Variants in ZNF112 observed in about 807,000 individuals in gnomAD.
The protein encoded by ZNF112 is zinc finger protein 112 (Y14).
ZNF112 carries 37 observed loss-of-function variants against 77.7 expected under a neutral mutation model. That is an observed-to-expected ratio of 0.48 (90% CI 0.37 to 0.63). The LOEUF is 0.63. Ranked by LOEUF, ZNF112 falls within the 20% of genes least tolerant of loss-of-function variation. The probability of loss-of-function intolerance (pLI) is 0.00; values close to 1 mark genes in which losing one functional copy is unlikely to be tolerated. For synonymous variants in ZNF112, 333 were observed against 363.6 expected (o/e 0.92, Z 0.96); for missense variants, 950 against 1,077.4 (o/e 0.88, Z 1.66).
At chr19:44,330,087 C>T (rs1355221732) in intron 3 of ZNF112, 151 bp from the exon 4 acceptor site, 1 of 637,770 alleles carries the variant, frequency 1.6e-6, no homozygotes, top group African/African-American at 1.8e-5. Context: ...AATATCTCCT[C>T]TTTGGCTATA....
chr19:44,360,514 G>C (rs1037621103), upstream of ZNF112, among the ~76,000 whole-genome samples: 4 of 152,138 alleles, frequency 2.6e-5, no homozygotes, highest in African/African-American at 7.2e-5. Flanking sequence ...TTTCCTCTAT[G>C]ATGGGGAACA....
rs11882414 is a variant in ZNF112 at position 44,365,680 on chromosome 19, C to A, written c.17+1401G>T. ...TCCTTTATAATCCTTTTAATATCTG[C>A]AAAATCTGTAATAATGTTCCCTCCC... On this transcript the variant is annotated intron_variant, in intron 1 of 4. Coordinates refer to the ZNF112 transcript ENST00000588057. Among the ~76,000 whole-genome samples the A allele has an allele frequency of 9.6e-3, 1,459 of 152,112 alleles. 21 individuals are homozygous for A. The highest frequency in any genetic ancestry group is 0.033 in the African/African-American group (1,387 of 41,460).
chr19:44,333,563 C>T (rs568655543), intron 3 of ZNF112, among the ~76,000 whole-genome samples: 2 of 152,198 alleles, frequency 1.3e-5, no homozygotes, highest in South Asian at 4.2e-4. Context: ...GGTTTAGCAC[C>T]ATCCCCCAAG....
intron 3 of ZNF112, 26 bp downstream of exon 3, chr19:44,336,597 C>G (rs1351919452): frequency 1.3e-6 from 2 of 1,589,370 alleles, no homozygotes; most frequent in Non-Finnish European, 1.7e-6. Flanking sequence ...TCCCTGGCTG[C>G]TGTGTTCCTG....
intron 1 of ZNF112, among the ~76,000 whole-genome samples, chr19:44,356,013 C>A (rs1291312076): frequency 6.6e-6 from 1 of 152,132 alleles, no homozygotes; most frequent in Admixed American, 6.5e-5. Flanking sequence ...AGAACTCCTG[C>A]ATGAATTACA....
At chr19:44,335,064 G>A (rs1970341499) in intron 3 of ZNF112, among the ~76,000 whole-genome samples, 1 of 152,236 alleles carries the variant, frequency 6.6e-6, no homozygotes, top group Non-Finnish European at 1.5e-5. Flanking sequence ...AAATAGCCAA[G>A]TGGGCTATAC....
At chr19:44,355,323 G>C (rs565777675) in intron 1 of ZNF112, among the ~76,000 whole-genome samples, 1 of 152,158 alleles carries the variant, frequency 6.6e-6, no homozygotes, top group Admixed American at 6.5e-5. Context: ...CTTGTGGTTA[G>C]CATAATTTTT....
At chr19:44,348,002 T>G (rs926892362) in intron 1 of ZNF112, among the ~76,000 whole-genome samples, 1 of 152,150 alleles carries the variant, frequency 6.6e-6, no homozygotes, top group East Asian at 1.9e-4. Context: ...TTTAAGAATA[T>G]TAAAGATGTT....
chr19:44,340,645 C>T, intron 1 of ZNF112, 103 bp from the exon 2 acceptor site: 4 of 1,521,996 alleles, frequency 2.6e-6, no homozygotes, highest in South Asian at 1.2e-5. Context: ...ACTTGAGTCA[C>T]ATTTACATAG....
intron 3 of ZNF112, among the ~76,000 whole-genome samples, chr19:44,330,408 C>T (rs1392977912): frequency 1.3e-5 from 2 of 152,156 alleles, no homozygotes; most frequent in Non-Finnish European, 2.9e-5. Flanking sequence ...ACCTGGACAT[C>T]GAACATGATG....
At chr19:44,338,684 T>C (rs541728781) in intron 2 of ZNF112, among the ~76,000 whole-genome samples, 1 of 152,294 alleles carries the variant, frequency 6.6e-6, no homozygotes, top group East Asian at 1.9e-4. Flanking sequence ...GCTGTGGAAA[T>C]GTTCTAAATT....
At position 44,337,286 on chromosome 19, in the gene ZNF112, A is replaced by ATATATGTATAAAATATATATATATTTTG. The variant is rs1161648703; in HGVS notation, c.125-596_125-569dup. Among the ~76,000 whole-genome samples the ATATATGTATAAAATATATATATATTTTG allele has an allele frequency of 1.5e-3, 191 of 127,142 alleles. 9 individuals carry two copies. Among genetic ancestry groups the ATATATGTATAAAATATATATATATTTTG allele is most frequent in the African/African-American group, 5.5e-3 (179 of 32,494 alleles). The allele number at this position is 127,142 out of a possible 152,430, so 83.4% of individuals were successfully genotyped here. ...TTTTTATATATATTATATATATTTCATATATGTATAAAATATATATATATT... is the reference window on the plus strand; with the variant it reads ...TTTTTATATATATTATATATATTTCATATATGTATAAAATATATATATATTTTGTATATGTATAAAATATATATATATT... On this transcript the variant is annotated intron_variant, in intron 2 of 3. Transcript: ENST00000354340.
At chr19:44,335,459 AT>A (rs558130909) in intron 3 of ZNF112, among the ~76,000 whole-genome samples, 20 of 152,380 alleles carry the variant, frequency 1.3e-4, no homozygotes, top group African/African-American at 4.6e-4. Context: ...TTTTACATTA[AT>A]ATGAGGTATA....
intron 1 of ZNF112, among the ~76,000 whole-genome samples, chr19:44,362,359 C>T (rs1970863219): frequency 6.6e-6 from 1 of 151,660 alleles, no homozygotes; most frequent in Admixed American, 6.6e-5. Context: ...AGGCTGAAGA[C>T]TAAAGAATTG....
At chr19:44,360,790 C>G (rs1385536318), upstream of ZNF112, among the ~76,000 whole-genome samples, 1 of 152,154 alleles carries the variant, frequency 6.6e-6, no homozygotes, top group Non-Finnish European at 1.5e-5. Flanking sequence ...CTATATGCAA[C>G]AATCTAAGGC....
chr19:44,327,648 T>C lies in ZNF112; in HGVS notation c.2509A>G (p.Ser837Gly). 4 of 1,614,084 alleles carry C rather than the reference T, an allele frequency of 2.5e-6. No individual in the cohort carries two copies. The highest frequency in any genetic ancestry group is 1.1e-5 in the South Asian group (1 of 91,080). The change falls in exon 4 of 4, where the codon AGT becomes GGT. Residue 837 changes from serine to glycine, a missense_variant. Around this residue, in one of 3 missense-constraint regions of ZNF112, gnomAD observed 373 missense variants for 482.8 expected, o/e 0.77. Transcript: ENST00000354340. ...YKCEVCGKGF[S>G]QRSNLQAHQR... ...TGAGCCTGAAGATTTGATCTCTGACTGAAGCCCTTTCCACATACCTCACAT... is the reference window on the plus strand; with the variant it reads ...TGAGCCTGAAGATTTGATCTCTGACCGAAGCCCTTTCCACATACCTCACAT...
chr19:44,359,195 T>TCAA (rs1344012327), upstream of ZNF112, among the ~76,000 whole-genome samples: 1 of 152,080 alleles, frequency 6.6e-6, no homozygotes, highest in Non-Finnish European at 1.5e-5. Flanking sequence ...TGACCTTCCT[T>TCAA]CAAGCTTCTA....
intron 1 of ZNF112, among the ~76,000 whole-genome samples, chr19:44,355,322 A>G (rs983974902): frequency 3.2e-4 from 49 of 152,202 alleles, no homozygotes; most frequent in African/African-American, 1.1e-3. Context: ...TCTTGTGGTT[A>G]GCATAATTTT....
rs749271682 is a variant in ZNF112, at chr19:44,329,766, C to G, written c.391G>C (p.Gly131Arg). 1 of 1,614,038 alleles carries G rather than the reference C, an allele frequency of 6.2e-7. No individual in the cohort carries two copies. Among genetic ancestry groups the G allele is most frequent in the Non-Finnish European group, 8.5e-7 (1 of 1,180,016 alleles). The change falls in exon 4 of 4, where the codon GGT becomes CGT. Residue 131 changes from glycine (G) to arginine (R), a missense_variant. By Grantham distance (125) the Gly-to-Arg change is moderately radical (BLOSUM62 -2). This residue lies in a region of ZNF112 where 560 missense variants were observed against 557.3 expected (regional missense o/e 1.00). Coordinates refer to ENST00000354340, the MANE Select transcript of ZNF112 (RefSeq NM_013380.4). The stretch of plus-strand genomic sequence containing the variant: ...GCCCAAACCTGGCCGAGGGAATTAC[C>G]TTGTTCTTGCAACTGAGAATTCTTC... ...QGKNSQLQEQGNSLGQVWAGI... is the reference protein window; with the variant it reads ...QGKNSQLQEQRNSLGQVWAGI...
Sources: allele counts gnomAD v4.1 joint callset (sites outside exome capture counted in the v4.1 genomes callset), GRCh38; gene constraint gnomAD v4.1.1; regional missense constraint gnomAD v4.1.1; transcripts MANE v1.5; gene names NCBI Gene and HGNC (gene_info 2026-07-23, HGNC 2026-07-21).